The following EPHA3 variants were observed in gnomAD, a reference collection of about 807,000 sequenced individuals.
EPHA3 encodes ephrin type-A receptor 3.
Under a neutral mutation model 107.1 loss-of-function variants are expected in EPHA3, and 42 were observed. The ratio of observed to expected loss-of-function variants is 0.39; its 90% CI spans 0.31 to 0.51. The LOEUF (loss-of-function observed/expected upper bound fraction) is 0.51. Ranked by LOEUF, EPHA3 falls within the 20% of genes least tolerant of loss-of-function variation. The probability of loss-of-function intolerance (pLI) is 0.78; values close to 1 mark genes in which losing one functional copy is unlikely to be tolerated. For synonymous variants in EPHA3, 461 were observed against 424.8 expected, an observed-to-expected ratio of 1.09 and a Z score of -1.05; for missense variants, 1,183 against 1,211.2, an observed-to-expected ratio of 0.98 and a Z score of 0.35.
chr3:89,422,976 A>G (rs991014808), intron 11 of EPHA3, among the ~76,000 whole-genome samples: 1 of 151,396 alleles, frequency 6.6e-6, no homozygotes. Context: ...ACAACAAGGT[A>G]CTAACATGTG....
chr3:89,397,272 C>T (rs1351721223), intron 6 of EPHA3, among the ~76,000 whole-genome samples: 1 of 152,050 alleles, frequency 6.6e-6, no homozygotes, highest in Admixed American at 6.6e-5. Flanking sequence ...TAAATTTTCT[C>T]CTAGCTTTGA....
chr3:89,265,887 G>A (rs1276085789), intron 3 of EPHA3, among the ~76,000 whole-genome samples: 1 of 152,004 alleles, frequency 6.6e-6, no homozygotes, highest in East Asian at 1.9e-4. Flanking sequence ...GTGATACTAG[G>A]AAAAAATTTC....
chr3:89,249,893 A>G (rs1240483529), intron 3 of EPHA3, among the ~76,000 whole-genome samples: 1 of 152,204 alleles, frequency 6.6e-6, no homozygotes, highest in Admixed American at 6.5e-5. Flanking sequence ...CAACCACAAG[A>G]TTCACCCAAC....
At chr3:89,109,602 G>A (rs1707053609) in intron 1 of EPHA3, among the ~76,000 whole-genome samples, 1 of 151,740 alleles carries the variant, frequency 6.6e-6, no homozygotes, top group Non-Finnish European at 1.5e-5. Context: ...GAAAAAAAAA[G>A]ACACCAAACT....
chr3:89,443,830 C>G (rs142073611), intron 13 of EPHA3, among the ~76,000 whole-genome samples: 1 of 152,234 alleles, frequency 6.6e-6, no homozygotes, highest in East Asian at 1.9e-4. Flanking sequence ...ATGACCAACT[C>G]TTGCTGGAAG....
intron 2 of EPHA3, among the ~76,000 whole-genome samples, chr3:89,132,740 A>G (rs140257934): frequency 6.6e-6 from 1 of 152,222 alleles, no homozygotes; most frequent in African/African-American, 2.4e-5. Context: ...ATCAATAGAA[A>G]TTAGCCTGGA....
At chr3:89,365,318 A>C (rs1423162594) in intron 5 of EPHA3, among the ~76,000 whole-genome samples, 1 of 150,726 alleles carries the variant, frequency 6.6e-6, no homozygotes, top group Non-Finnish European at 1.5e-5. Context: ...GGAAGACTGA[A>C]AGGGCAATGG....
chr3:89,266,871 T>C (rs1351693857), intron 3 of EPHA3, among the ~76,000 whole-genome samples: 2 of 152,062 alleles, frequency 1.3e-5, no homozygotes, highest in Non-Finnish European at 2.9e-5. Context: ...TCAAAACCCA[T>C]TTTAACGTGT....
intron 3 of EPHA3, among the ~76,000 whole-genome samples, chr3:89,308,904 G>A (rs536649487): frequency 1.6e-4 from 24 of 152,236 alleles, no homozygotes; most frequent in Non-Finnish European, 3.1e-4. Flanking sequence ...AAGATATTCA[G>A]TCTTTTCTTA....
intron 3 of EPHA3, among the ~76,000 whole-genome samples, chr3:89,262,871 G>A (rs922859710): frequency 2.6e-5 from 4 of 151,694 alleles, no homozygotes; most frequent in African/African-American, 9.7e-5. Flanking sequence ...CCTTTTGGGC[G>A]CCTGCAGGAG....
At position 89,369,871 on chromosome 3, in the gene EPHA3, G is replaced by T. The variant is rs926822522; in HGVS notation, c.1307-25966G>T. Among the ~76,000 whole-genome samples, 12 of 149,992 alleles carry T rather than the reference G, an allele frequency of 8.0e-5. 1 individual carries two copies. The highest frequency in any genetic ancestry group is 3.0e-4 in the African/African-American group (12 of 40,352). ...GGACATGAACAGACACTTCTCAAAA[G>T]AAGACATTTATGCAGCCAAAAAACA... On this transcript the variant is annotated intron_variant, in intron 5 of 16. Coordinates refer to ENST00000336596, the MANE Select transcript of EPHA3 (RefSeq NM_005233.6).
rs2107553699 is a variant in EPHA3 at position 89,449,357 on chromosome 3, G to C, written c.2479G>C (p.Glu827Gln). 6.3e-7 allele frequency: 1 copy of C among 1,591,904 alleles called. No individual in the cohort carries two copies. The highest frequency in any genetic ancestry group is 8.6e-7 in the Non-Finnish European group (1 of 1,165,238). Residue 827 changes from glutamate to glutamine, a missense_variant, in exon 14 of 17, where the codon GAG becomes CAG. Transcript: ENST00000336596. Reference sequence around the variant, plus strand: ...GTCTTATGGAGAGAGACCATACTGGGAGATGTCCAATCAGGATGTAAGTAT... The same window carrying C: ...GTCTTATGGAGAGAGACCATACTGGCAGATGTCCAATCAGGATGTAAGTAT... ...VMSYGERPYW[E>Q]MSNQDVIKAV... is the part of the protein sequence containing the mutation.
At chr3:89,411,460 C>G (rs1709153052) in intron 9 of EPHA3, among the ~76,000 whole-genome samples, 1 of 151,838 alleles carries the variant, frequency 6.6e-6, no homozygotes, top group African/African-American at 2.4e-5. Flanking sequence ...CCTATTTGCC[C>G]TCTCACCACC....
intron 10 of EPHA3, among the ~76,000 whole-genome samples, chr3:89,418,496 TAA>T (rs2107526230): frequency 6.6e-6 from 1 of 151,598 alleles, no homozygotes; most frequent in East Asian, 1.9e-4. Context: ...CTATAATATT[TAA>T]AAGTCAGTAA....
At chr3:89,159,328 A>G (rs1704871501) in intron 2 of EPHA3, among the ~76,000 whole-genome samples, 1 of 152,146 alleles carries the variant, frequency 6.6e-6, no homozygotes, top group Non-Finnish European at 1.5e-5. Context: ...TAGTCAGAAA[A>G]TAAATTTACT....
At chr3:89,156,957 T>C (rs572965783) in intron 2 of EPHA3, among the ~76,000 whole-genome samples, 2 of 152,014 alleles carry the variant, frequency 1.3e-5, no homozygotes, top group African/African-American at 4.8e-5. Context: ...TCTCCTTGCC[T>C]GGACAGATTT....
Position 89,481,788 on chromosome 3 carries a change from C to T in EPHA3, c.*2286C>T, listed in dbSNP as rs952457592. On this transcript the variant is annotated 3_prime_UTR_variant, in exon 17 of 17. Transcript: ENST00000336596. ...TGGAGTAGAGGTACTAGAATGCTTACGGCCATCTCTTTGTACAGGAACTGC... is the reference window on the plus strand; with the variant it reads ...TGGAGTAGAGGTACTAGAATGCTTATGGCCATCTCTTTGTACAGGAACTGC... 3 of 231,754 alleles carry T rather than the reference C, an allele frequency of 1.3e-5. No homozygotes were observed. Among genetic ancestry groups the T allele is most frequent in the East Asian group, 6.1e-5 (1 of 16,312 alleles). The allele number at this position is 231,754 out of a possible 1,614,324, so 14.4% of individuals were successfully genotyped here.
At position 89,346,577 on chromosome 3, in the gene EPHA3, A is replaced by T. The variant is rs1327890652; in HGVS notation, c.1306+4487A>T. Among the ~76,000 whole-genome samples the T allele has an allele frequency of 1.3e-5, 2 of 148,770 alleles. 1 individual carries two copies. Among genetic ancestry groups the T allele is most frequent in the Non-Finnish European group, 3.0e-5 (2 of 66,482 alleles). On this transcript the variant is annotated intron_variant, in intron 5 of 16. Transcript: ENST00000336596. ...CTCCCATTTTGTAGGTTGCCTGTTC[A>T]CTCTGATGGTAGTTTCTTTTGCTGT...
intron 3 of EPHA3, among the ~76,000 whole-genome samples, chr3:89,339,821 T>A (rs1707477021): frequency 6.6e-6 from 1 of 152,190 alleles, no homozygotes; most frequent in Non-Finnish European, 1.5e-5. Context: ...AATCATCAAG[T>A]CTATTTAAGT....
Sources: gnomAD v4.1 joint callset for allele counts (sites outside exome capture counted in the v4.1 genomes callset) on GRCh38, gnomAD v4.1.1 for gene constraint, MANE v1.5 for transcripts, NCBI Gene and HGNC (gene_info 2026-07-23, HGNC 2026-07-21) for gene names.